The following LAMA4 variants were observed in gnomAD, a reference collection of about 807,000 sequenced individuals.
LAMA4 encodes the protein laminin subunit alpha-4.
Under a neutral mutation model 207.1 loss-of-function variants are expected in LAMA4, and 127 were observed. That is an observed-to-expected ratio of 0.61 (90% CI 0.53 to 0.71). The LOEUF (loss-of-function observed/expected upper bound fraction) is 0.71. Ranked by LOEUF, LAMA4 falls within the 30% of genes least tolerant of loss-of-function variation. The pLI, the probability that LAMA4 is intolerant of heterozygous loss-of-function variation, is 0.00. For missense variants in LAMA4, 2,093 were observed against 2,246.5 expected (o/e 0.93, Z 1.38); for synonymous variants, 761 against 816.0 (o/e 0.93, Z 1.15).
intron 2 of LAMA4, 156 bp from the exon 3 acceptor site, chr6:112,216,625 AT>A (rs1291194411): frequency 1.5e-6 from 1 of 667,834 alleles, no homozygotes; most frequent in East Asian, 2.8e-5. Context: ...AAAATAAACT[AT>A]TTATACTACC....
At chr6:112,129,826 T>C (rs1562639499) in intron 30 of LAMA4, 50 bp downstream of exon 30, 7 of 1,389,100 alleles carry the variant, frequency 5.0e-6, no homozygotes, top group Non-Finnish European at 7.0e-6. Flanking sequence ...GCTGTTGTCT[T>C]GATTTTATTT....
chr6:112,143,509 C>T (rs1268109831), intron 19 of LAMA4, among the ~76,000 whole-genome samples: 1 of 152,160 alleles, frequency 6.6e-6, no homozygotes, highest in African/African-American at 2.4e-5. Context: ...GTCTCAAACT[C>T]CTGGACTCAA....
In LAMA4 at chr6:112,120,491, G is replaced by C; in HGVS notation, c.4476-19C>G. On this transcript the variant is annotated intron_variant, in intron 32 of 38. Transcript: ENST00000230538. The stretch of plus-strand genomic sequence containing the variant: ...CTGAGATCTGGTAAATGAAAAGAAA[G>C]GGATTACCATATGTAAAATGAGACT... 6.3e-7 allele frequency: 1 copy of C among 1,585,082 alleles called. No individual in the cohort carries two copies. Among genetic ancestry groups the C allele is most frequent in the Non-Finnish European group, 8.7e-7 (1 of 1,154,158 alleles).
At chr6:112,175,772 C>G (rs1554343541) in intron 10 of LAMA4, among the ~76,000 whole-genome samples, 1 of 152,214 alleles carries the variant, frequency 6.6e-6, no homozygotes, top group Non-Finnish European at 1.5e-5. Context: ...TCATCCTCAT[C>G]TGGTTTCCAC....
chr6:112,114,997 A>T (rs1483477366), intron 36 of LAMA4, among the ~76,000 whole-genome samples: 4 of 152,188 alleles, frequency 2.6e-5, no homozygotes, highest in Admixed American at 6.6e-5. Flanking sequence ...GACAATAAGA[A>T]ATAGAATAAA....
At chr6:112,188,178 C>T (rs1554347332) in intron 7 of LAMA4, among the ~76,000 whole-genome samples, 1 of 152,212 alleles carries the variant, frequency 6.6e-6, no homozygotes, top group African/African-American at 2.4e-5. Flanking sequence ...GATCTCTTTC[C>T]CTCAGATGGT....
intron 12 of LAMA4, among the ~76,000 whole-genome samples, chr6:112,169,461 A>G (rs1486322965): frequency 6.6e-6 from 1 of 152,242 alleles, no homozygotes; most frequent in Non-Finnish European, 1.5e-5. Flanking sequence ...TGTGGGGCTC[A>G]GTTTTGAATA....
intron 13 of LAMA4, chr6:112,162,286 C>T (rs1235291128): frequency 1.3e-5 from 2 of 152,180 alleles, no homozygotes; most frequent in Non-Finnish European, 2.9e-5. Context: ...GCCTGGCCAA[C>T]ATGGTGAAAA....
intron 2 of LAMA4, among the ~76,000 whole-genome samples, chr6:112,243,152 C>T (rs1487203153): frequency 6.6e-6 from 1 of 152,162 alleles, no homozygotes; most frequent in Non-Finnish European, 1.5e-5. Flanking sequence ...CATGGAGACA[C>T]ACTTAGGCTG....
chr6:112,240,497 C>T lies in LAMA4; in HGVS notation c.195+13459G>A, dbSNP rs534290386. The stretch of plus-strand genomic sequence containing the variant: ...TATCAAATAGTAGGTCTTACTCATG[C>T]TTTCTATTTTTTGTGTGCCCATTAA... On this transcript the variant is annotated intron_variant, in intron 2 of 38. Coordinates refer to ENST00000230538, the MANE Select transcript of LAMA4 (RefSeq NM_001105206.3). 1.2e-4 allele frequency among the ~76,000 whole-genome samples: 19 copies of T among 152,228 alleles called. No individual in the cohort carries two copies. The East Asian group carries it at 2.9e-3, about 23-fold the overall frequency.
At chr6:112,168,784 G>C (rs1781546904) in intron 12 of LAMA4, among the ~76,000 whole-genome samples, 1 of 152,154 alleles carries the variant, frequency 6.6e-6, no homozygotes, top group Non-Finnish European at 1.5e-5. Context: ...CTGTGTGCCT[G>C]CATATTCCAT....
intron 11 of LAMA4, among the ~76,000 whole-genome samples, chr6:112,174,992 T>A (rs73766947): frequency 0.041 from 6,318 of 152,286 alleles, 315 homozygotes; most frequent in African/African-American, 0.12. Flanking sequence ...CTCAATAAAA[T>A]TTCTTTAAAT....
At position 112,189,002 on chromosome 6, in the gene LAMA4, T is replaced by G; in HGVS notation, c.814+108A>C. 3.8e-6 allele frequency: 3 copies of G among 796,192 alleles called. No individual in the cohort carries two copies. The Admixed American group carries it at 6.0e-5, about 16-fold the overall frequency. 49.3% of individuals were successfully genotyped at this position (796,192 alleles called of 1,614,324 possible). ...GTGCAGAAAGGGTTAAGTCCAGGGGTGGGACTCAGCAGTTTCTAGAGAGTG... is the reference window on the plus strand; with the variant it reads ...GTGCAGAAAGGGTTAAGTCCAGGGGGGGGACTCAGCAGTTTCTAGAGAGTG... On this transcript the variant is annotated intron_variant, in intron 7 of 38. Transcript: ENST00000230538.
At chr6:112,146,226 G>A (rs780905588) in intron 18 of LAMA4, among the ~76,000 whole-genome samples, 5 of 151,898 alleles carry the variant, frequency 3.3e-5, no homozygotes, top group Admixed American at 6.6e-5. Context: ...AGAGGCAGAG[G>A]TTGCAATGGG....
Position 112,254,063 on chromosome 6 carries a change from TGTC to T in LAMA4, c.85_87del (p.Asp29del), listed in dbSNP as rs781840950. 10 of 1,608,876 alleles carry T rather than the reference TGTC, an allele frequency of 6.2e-6. No individual in the cohort carries two copies. In the African/African-American group the frequency reaches 1.2e-4, roughly 19 times the overall value. The stretch of plus-strand genomic sequence containing the variant: ...CCTTCAATGTCAAAAGGAAAAGCGT[TGTC>T]GTCCCCGGACGCGGCGCGGGAGCAG... On this transcript the variant is annotated inframe_deletion, in exon 2 of 39. Coordinates refer to ENST00000230538, the MANE Select transcript of LAMA4 (RefSeq NM_001105206.3).
At chr6:112,212,691 T>C (rs1450281390) in intron 3 of LAMA4, among the ~76,000 whole-genome samples, 6 of 152,294 alleles carry the variant, frequency 3.9e-5, no homozygotes, top group Admixed American at 3.3e-4. Flanking sequence ...TTTTTCCAGG[T>C]TTGCAACAGA....
At chr6:112,253,409 G>C (rs1235028850) in intron 2 of LAMA4, 1 of 284,862 alleles carries the variant, frequency 3.5e-6, no homozygotes, top group Non-Finnish European at 6.8e-6. Flanking sequence ...GAATACAATG[G>C]CTCGTTTCTA....
intron 5 of LAMA4, among the ~76,000 whole-genome samples, chr6:112,197,871 C>T (rs1337940744): frequency 6.6e-6 from 1 of 152,154 alleles, no homozygotes; most frequent in Non-Finnish European, 1.5e-5. Flanking sequence ...TTATTTTCTC[C>T]CAGCACTGAG....
chr6:112,223,582 A>G (rs1456695483), intron 2 of LAMA4, among the ~76,000 whole-genome samples: 1 of 152,212 alleles, frequency 6.6e-6, no homozygotes, highest in Non-Finnish European at 1.5e-5. Flanking sequence ...TGAACTGTCT[A>G]TAAATGACAA....
Sources: allele counts gnomAD v4.1 joint callset (sites outside exome capture counted in the v4.1 genomes callset), GRCh38; gene constraint gnomAD v4.1.1; transcripts MANE v1.5; gene names NCBI Gene and HGNC (gene_info 2026-07-23, HGNC 2026-07-21).